STOML1: variants seen among roughly 807,000 people sequenced by gnomAD.
STOML1 encodes stomatin like 1, also known as stomatin-like protein 1.
A neutral mutation model predicts 35.7 loss-of-function variants in STOML1; 27 were observed. The observed-to-expected ratio is 0.76, with a 90% CI of 0.56 to 1.04. The LOEUF (loss-of-function observed/expected upper bound fraction) is 1.04. Among genes scored for constraint, STOML1 ranks in the 50% least tolerant of loss-of-function variants. The pLI, the probability that STOML1 is intolerant of heterozygous loss-of-function variation, is 0.00. For synonymous variants in STOML1, 219 were observed against 227.9 expected (o/e 0.96, Z 0.35); for missense variants, 451 against 527.1 (o/e 0.86, Z 1.41).
intron 1 of STOML1, chr15:73,990,949 C>A (rs929427404): frequency 1.3e-6 from 2 of 1,490,772 alleles, no homozygotes; most frequent in Non-Finnish European, 1.8e-6. Context: ...CCTTAGCCTA[C>A]AGGGATAAAT....
Position 73,989,114 on chromosome 15 carries a change from G to A in STOML1, c.384C>T (p.Pro128=), listed in dbSNP as rs1258436812. ...DLRTRAFNVP[P]CKLASKDGAV... ...CAGCTGAGAAGCCCCTCACCTTGCA[G>A]GGAGGGACGTTGAAGGCTCGTGTCC... Residue 128 remains proline (P), a synonymous_variant, in exon 3 of 7, where the codon CCC becomes CCT. Transcript: ENST00000541638. 2.5e-6 allele frequency: 4 copies of A among 1,596,396 alleles called. No individual in the cohort carries two copies. The Admixed American group carries it at 6.9e-5, about 27-fold the overall frequency.
chr15:73,984,166 A>G (rs1481965525), intron 6 of STOML1, 36 bp from the exon 7 acceptor site: 1 of 1,589,896 alleles, frequency 6.3e-7, no homozygotes, highest in Admixed American at 1.7e-5. Flanking sequence ...TCAGTAGGGG[A>G]ATGGAGGAAC....
At chr15:73,990,488 A>T (rs774386653) in intron 1 of STOML1, 31 bp from the exon 2 acceptor site, 1 of 1,538,184 alleles carries the variant, frequency 6.5e-7, no homozygotes, top group Non-Finnish European at 8.7e-7. Flanking sequence ...GGTCAACTGG[A>T]CCTGCACGAC....
In STOML1 at chr15:73,981,286, G is replaced by C. The variant is rs1358839164; in HGVS notation, c.*2651C>G. The stretch of plus-strand genomic sequence containing the variant: ...CAGGAGAATCACTTGAATCCGGGAG[G>C]TAGAGGTTGCAGTGAGCTGAGATTG... On this transcript the variant is annotated 3_prime_UTR_variant, in exon 7 of 7. Coordinates refer to ENST00000541638, the MANE Select transcript of STOML1 (RefSeq NM_004809.5). The C allele has an allele frequency of 6.6e-6, 1 of 152,118 alleles. No homozygotes were observed. The highest frequency in any genetic ancestry group is 1.5e-5 in the Non-Finnish European group (1 of 68,044). The allele number at this position is 152,118 out of a possible 1,614,324, so 9.4% of individuals were successfully genotyped here.
intron 6 of STOML1, 118 bp downstream of exon 6, chr15:73,984,541 T>G: frequency 8.1e-7 from 1 of 1,227,566 alleles, no homozygotes. Context: ...CTGCCTGCCA[T>G]GGGTTCACCC....
intron 1 of STOML1, 158 bp downstream of exon 1, chr15:73,991,933 C>T: frequency 8.4e-7 from 1 of 1,185,480 alleles, no homozygotes; most frequent in Non-Finnish European, 1.2e-6. Flanking sequence ...TAGCACCAGG[C>T]GCCGGGTCCA....
rs772283912 is a variant in STOML1, at chr15:73,984,027, G to A, written c.1107C>T (p.Pro369=). 7 of 1,614,032 alleles carry A rather than the reference G, an allele frequency of 4.3e-6. No individual in the cohort carries two copies. In the East Asian group the frequency reaches 1.1e-4, roughly 26 times the overall value. Residue 369 remains proline, a synonymous_variant, in exon 7 of 7, where the codon CCC becomes CCT. Coordinates refer to ENST00000541638, the MANE Select transcript of STOML1 (RefSeq NM_004809.5). ...GCCGTCCACTCATGTAGGCCCCCAG[G>A]GGCCGCAGCTCTCTGCATAGCAGGG... The part of the protein sequence containing the change: ...LRALLCRELR[P]LGAYMSGRLK...
In STOML1 at chr15:73,984,695, C is replaced by T. The variant is rs948100611; in HGVS notation, c.967G>A (p.Gly323Ser). Residue 323 changes from glycine (G) to serine (S), a missense_variant, in exon 6 of 7, where the codon GGC (glycine) becomes AGC (serine). Transcript: ENST00000541638. ...TCCAGGAAGTAGGCGCTTTGGGTGC[C>T]GCTGGGCAGGACGACATTGAACTGG... Reference protein sequence around the residue: ...CYQFNVVLPSGTQSAYFLDLT... With the variant: ...CYQFNVVLPSSTQSAYFLDLT... The T allele has an allele frequency of 2.5e-6, 4 of 1,614,116 alleles. 1 individual carries two copies. The African/African-American group carries it at 4.0e-5, about 16-fold the overall frequency.
In STOML1 at chr15:73,983,991, C is replaced by T. The variant is rs1463595105; in HGVS notation, c.1143G>A (p.Lys381=). The T allele has an allele frequency of 6.2e-7, 1 of 1,614,078 alleles. No homozygotes were observed. The part of the protein sequence containing the change: ...GAYMSGRLKV[K]GDLAMAMKLE... ...GCTTCATGGCCATAGCCAGGTCGCC[C>T]TTCACCTTCAGCCGTCCACTCATGT... The change falls in exon 7 of 7, where the codon AAG becomes AAA. Residue 381 remains lysine, a synonymous_variant. Transcript: ENST00000541638.
chr15:73,992,406 G>A (rs1052811065), upstream of STOML1: 27 of 595,686 alleles, frequency 4.5e-5, no homozygotes, highest in Non-Finnish European at 6.0e-5. Context: ...GGCTCCCCCT[G>A]CGCTGGGAGG....
At position 73,979,908 on chromosome 15, in the gene STOML1, G is replaced by A. The variant is rs551777203; in HGVS notation, c.*4029C>T. 1.9e-5 allele frequency: 2 copies of A among 105,218 alleles called. No homozygotes were observed. Among genetic ancestry groups the A allele is most frequent in the Non-Finnish European group, 3.5e-5 (2 of 57,888 alleles). The allele number at this position is 105,218 out of a possible 1,614,324, so 6.5% of individuals were successfully genotyped here. A position where few individuals can be genotyped will look rare whatever the true frequency, so the allele number is the denominator to read the frequency against. On this transcript the variant is annotated 3_prime_UTR_variant, in exon 7 of 7. Coordinates refer to ENST00000541638, the MANE Select transcript of STOML1 (RefSeq NM_004809.5). ...TTAGAGACCAGCTTGAGAAGGCCCTGTCTCTACAAAAAAAAAAAAAAAAAA... is the reference window on the plus strand; with the variant it reads ...TTAGAGACCAGCTTGAGAAGGCCCTATCTCTACAAAAAAAAAAAAAAAAAA...
chr15:73,980,657 C>T lies in STOML1; in HGVS notation c.*3280G>A, dbSNP rs946455277. 4 of 152,068 alleles carry T rather than the reference C, an allele frequency of 2.6e-5. No homozygotes were observed. The highest frequency in any genetic ancestry group is 2.1e-4 in the South Asian group (1 of 4,820). 9.4% of individuals were successfully genotyped at this position (152,068 alleles called of 1,614,324 possible). Reference sequence around the variant, plus strand: ...CAGGAAGAATTACCAAGAAACTAATCGCAGGGGATGGGGGAAGGCATGGGA... The same window carrying T: ...CAGGAAGAATTACCAAGAAACTAATTGCAGGGGATGGGGGAAGGCATGGGA... On this transcript the variant is annotated 3_prime_UTR_variant, in exon 7 of 7. Transcript: ENST00000541638.
intron 2 of STOML1, 93 bp from the exon 3 acceptor site, chr15:73,989,350 C>A (rs2069195737): frequency 7.3e-7 from 1 of 1,362,364 alleles, no homozygotes; most frequent in African/African-American, 1.4e-5. Context: ...CTCTCCTCCT[C>A]ACCTGGGTCA....
chr15:73,992,744 G>A (rs1277227352), upstream of STOML1, among the ~76,000 whole-genome samples: 1 of 152,190 alleles, frequency 6.6e-6, no homozygotes, highest in Non-Finnish European at 1.5e-5. Flanking sequence ...AGGAGTTTGA[G>A]GCTGCAGTGA....
At chr15:73,992,308 G>A, upstream of STOML1, 1 of 1,408,730 alleles carries the variant, frequency 7.1e-7, no homozygotes, top group African/African-American at 1.5e-5. Flanking sequence ...CCTCCTGGCT[G>A]CTGCTTCCGG....
chr15:73,986,750 T>G (rs2069112844), intron 4 of STOML1: 1 of 152,686 alleles, frequency 6.5e-6, no homozygotes. Context: ...AGCGCTGTCT[T>G]GGGAGCCCAA....
chr15:73,992,123 G>T lies in STOML1; in HGVS notation c.101C>A (p.Ser34Tyr). 1 of 1,604,584 alleles carries T rather than the reference G, an allele frequency of 6.2e-7. No homozygotes were observed. Among genetic ancestry groups the T allele is most frequent in the Non-Finnish European group, 8.5e-7 (1 of 1,176,588 alleles). The change falls in exon 1 of 7, where the codon TCC becomes TAC. Residue 34 changes from serine (S) to tyrosine (Y), a missense_variant. Transcript: ENST00000541638. ...TGTCCCCACGCCGCCCCGCTCCGGG[G>T]ACAAGCAGCCCTTCTGCGAGCCCAG... Reference protein sequence around the residue: ...GFLGSQKGCLSPERGGVGTGA... With the variant: ...GFLGSQKGCLYPERGGVGTGA...
chr15:73,987,768 C>A (rs991850832), intron 4 of STOML1: 1 of 152,204 alleles, frequency 6.6e-6, no homozygotes, highest in African/African-American at 2.4e-5. Context: ...CTGGGCCAGA[C>A]AAAAGGACTT....
intron 5 of STOML1, 29 bp downstream of exon 5, chr15:73,985,289 C>A: frequency 2.6e-6 from 4 of 1,510,856 alleles, no homozygotes; most frequent in Non-Finnish European, 3.5e-6. Flanking sequence ...CTGGTAAACA[C>A]CCCCGCTCTC....
Sources: allele counts gnomAD v4.1 joint callset (sites outside exome capture counted in the v4.1 genomes callset), GRCh38; gene constraint gnomAD v4.1.1; transcripts MANE v1.5; gene names NCBI Gene and HGNC (gene_info 2026-07-23, HGNC 2026-07-21).